The following NAT1 variants were observed in gnomAD, a reference collection of about 807,000 sequenced individuals.
NAT1 encodes the protein N-acetyltransferase 1.
For synonymous variants in NAT1, 144 were observed against 122.6 expected (o/e 1.17, Z -1.16); for missense variants, 400 against 339.2 (o/e 1.18, Z -1.41).
intron 1 of NAT1, among the ~76,000 whole-genome samples, chr8:18,214,437 A>G (rs916990611): frequency 8.5e-5 from 13 of 152,198 alleles, no homozygotes; most frequent in African/African-American, 2.9e-4. Flanking sequence ...TACTTTGAAG[A>G]TACACTTCTA....
At chr8:18,182,162 G>C (rs7012786) in intron 2 of NAT1, among the ~76,000 whole-genome samples, 5,377 of 152,010 alleles carry the variant, frequency 0.035, 306 homozygotes, top group African/African-American at 0.12. Context: ...TACTGTGATA[G>C]CTCACCTGAT....
chr8:18,182,380 A>G (rs1802555639), intron 2 of NAT1, among the ~76,000 whole-genome samples: 1 of 152,070 alleles, frequency 6.6e-6, no homozygotes, highest in Admixed American at 6.6e-5. Flanking sequence ...TTTGTGTACA[A>G]ATTTTCTTAT....
upstream of NAT1, among the ~76,000 whole-genome samples, chr8:18,205,378 A>G (rs549233421): frequency 3.9e-5 from 6 of 152,226 alleles, no homozygotes; most frequent in African/African-American, 1.4e-4. Context: ...CAGACAACAC[A>G]GGTCTGTGTG....
chr8:18,209,485 G>A (rs1803885247), upstream of NAT1, among the ~76,000 whole-genome samples: 3 of 152,186 alleles, frequency 2.0e-5, no homozygotes, highest in African/African-American at 7.2e-5. Context: ...AAATTATGTT[G>A]TATAGAGAAA....
intron 2 of NAT1, among the ~76,000 whole-genome samples, chr8:18,180,291 A>C (rs1230204785): frequency 6.6e-6 from 1 of 152,164 alleles, no homozygotes; most frequent in Non-Finnish European, 1.5e-5. Flanking sequence ...AGGGAAAATG[A>C]ATTTTGTCAA....
intron 2 of NAT1, among the ~76,000 whole-genome samples, chr8:18,171,971 T>C (rs1445961525): frequency 6.6e-6 from 1 of 152,220 alleles, no homozygotes; most frequent in African/African-American, 2.4e-5. Flanking sequence ...AATTCCATTC[T>C]AACTCACTGT....
At chr8:18,181,338 C>T (rs190129593) in intron 2 of NAT1, among the ~76,000 whole-genome samples, 103 of 152,046 alleles carry the variant, frequency 6.8e-4, no homozygotes, top group African/African-American at 2.4e-3. Context: ...AGATTCAACG[C>T]AATCCCTATC....
At chr8:18,186,154 A>G (rs1156482315) in intron 2 of NAT1, among the ~76,000 whole-genome samples, 3 of 152,140 alleles carry the variant, frequency 2.0e-5, no homozygotes, top group African/African-American at 7.2e-5. Context: ...AAAAAAATCT[A>G]TTCATACTGA....
chr8:18,208,472 C>T (rs975312102), upstream of NAT1, among the ~76,000 whole-genome samples: 1 of 152,086 alleles, frequency 6.6e-6, no homozygotes, highest in African/African-American at 2.4e-5. Flanking sequence ...TTTCTTTACA[C>T]CAGTAATGAT....
intron 2 of NAT1, among the ~76,000 whole-genome samples, chr8:18,202,326 G>A (rs1432353053): frequency 6.6e-6 from 1 of 152,142 alleles, no homozygotes; most frequent in Non-Finnish European, 1.5e-5. Context: ...ATTATTTTGG[G>A]GAACTGAACG....
At chr8:18,206,443 A>T (rs748259325), upstream of NAT1, among the ~76,000 whole-genome samples, 1 of 152,202 alleles carries the variant, frequency 6.6e-6, no homozygotes, top group Non-Finnish European at 1.5e-5. Context: ...CTTACTGTTA[A>T]TGTGGGAAAA....
chr8:18,193,508 T>TA (rs1554470528), intron 2 of NAT1, among the ~76,000 whole-genome samples: 1,136 of 90,892 alleles, frequency 0.012, 18 homozygotes, highest in African/African-American at 0.039. Context: ...ATATATATAA[T>TA]ATATATATAT....
At chr8:18,177,039 C>G (rs559568948) in intron 2 of NAT1, among the ~76,000 whole-genome samples, 13 of 152,024 alleles carry the variant, frequency 8.6e-5, no homozygotes, top group Admixed American at 2.0e-4. Flanking sequence ...TACAGAAACA[C>G]TACTGATTTT....
intron 2 of NAT1, among the ~76,000 whole-genome samples, chr8:18,197,319 C>T (rs28383685): frequency 0.096 from 14,538 of 152,152 alleles, 890 homozygotes; most frequent in South Asian, 0.18. Flanking sequence ...TTATAATTTA[C>T]TAAACTCATT....
At chr8:18,193,274 T>C (rs983556453) in intron 2 of NAT1, among the ~76,000 whole-genome samples, 3 of 149,070 alleles carry the variant, frequency 2.0e-5, no homozygotes, top group Non-Finnish European at 3.0e-5. Flanking sequence ...AGAGATGGGG[T>C]TTCCCTGTGT....
At chr8:18,189,980 G>A (rs903105265) in intron 2 of NAT1, among the ~76,000 whole-genome samples, 7 of 152,060 alleles carry the variant, frequency 4.6e-5, no homozygotes, top group African/African-American at 1.7e-4. Context: ...AGTAGAGATC[G>A]GTTTTCACCA....
At chr8:18,179,698 T>C (rs1225391956) in intron 2 of NAT1, among the ~76,000 whole-genome samples, 1 of 152,134 alleles carries the variant, frequency 6.6e-6, no homozygotes, top group Non-Finnish European at 1.5e-5. Flanking sequence ...AATCAGAGCA[T>C]AAAGCATACT....
At position 18,222,411 on chromosome 8, in the gene NAT1, G is replaced by A; in HGVS notation, c.364G>A (p.Asp122Asn). 9 of 1,614,054 alleles carry A rather than the reference G, an allele frequency of 5.6e-6. No homozygotes were observed. Among genetic ancestry groups the A allele is most frequent in the Admixed American group, 1.7e-5 (1 of 60,004 alleles). The change falls in exon 3 of 3, where the codon GAT (aspartate) becomes AAT (asparagine). Residue 122 changes from aspartate (D) to asparagine (N), a missense_variant. Physicochemically the swap from Asp to Asn is conservative, Grantham distance 23 (BLOSUM62 1). Coordinates refer to ENST00000307719, the MANE Select transcript of NAT1 (RefSeq NM_000662.8). ...VTIDGRNYIV[D>N]AGFGRSYQMW... ...CATTGATGGCAGGAACTACATTGTC[G>A]ATGCTGGGTTTGGACGCTCATACCA...
chr8:18,214,619 C>A (rs1804445994), intron 1 of NAT1, among the ~76,000 whole-genome samples: 1 of 150,832 alleles, frequency 6.6e-6, no homozygotes, highest in South Asian at 2.1e-4. Context: ...TCGAACTTTC[C>A]CAGAATTTTC....
Sources: gnomAD v4.1 joint callset for allele counts (sites outside exome capture counted in the v4.1 genomes callset) on GRCh38, gnomAD v4.1.1 for gene constraint, MANE v1.5 for transcripts, NCBI Gene and HGNC (gene_info 2026-07-23, HGNC 2026-07-21) for gene names.